The following PCDH15 variants were observed in gnomAD, a reference collection of about 807,000 sequenced individuals.
PCDH15 encodes protocadherin related 15.
In PCDH15, 129 loss-of-function variants were observed where a neutral mutation model predicts 178.5. The observed-to-expected ratio is 0.72, with a 90% CI of 0.63 to 0.84. The LOEUF (loss-of-function observed/expected upper bound fraction) is 0.84. PCDH15 is among the 40% of genes least tolerant of loss of function. The pLI is 0.00. For missense variants in PCDH15, 2,230 were observed against 2,099.9 expected, an observed-to-expected ratio of 1.06 and a Z score of -1.21; for synonymous variants, 800 against 732.0, an observed-to-expected ratio of 1.09 and a Z score of -1.50.
intron 2 of PCDH15, among the ~76,000 whole-genome samples, chr10:55,139,073 A>C (rs1487200952): frequency 6.6e-6 from 1 of 152,052 alleles, no homozygotes; most frequent in Non-Finnish European, 1.5e-5. Context: ...TCAATGGCTA[A>C]TAATGTTGAA....
intron 25 of PCDH15, among the ~76,000 whole-genome samples, chr10:53,922,884 G>A (rs551831376): frequency 1.6e-3 from 244 of 152,190 alleles, no homozygotes; most frequent in African/African-American, 5.4e-3. Flanking sequence ...TCGGGAGATC[G>A]AGACCATCCT....
At chr10:53,932,628 C>A (rs1270952320) in intron 25 of PCDH15, among the ~76,000 whole-genome samples, 1 of 152,116 alleles carries the variant, frequency 6.6e-6, no homozygotes, top group Non-Finnish European at 1.5e-5. Context: ...TTTACAACAA[C>A]CCTCCCCTAT....
At chr10:55,620,551 A>G (rs1395671416) in intron 2 of PCDH15, among the ~76,000 whole-genome samples, 1 of 152,008 alleles carries the variant, frequency 6.6e-6, no homozygotes, top group Non-Finnish European at 1.5e-5. Flanking sequence ...TTACATTATT[A>G]CATTTACTTA....
At chr10:54,627,370 G>A (rs1419316630) in intron 2 of PCDH15, among the ~76,000 whole-genome samples, 3 of 152,134 alleles carry the variant, frequency 2.0e-5, no homozygotes, top group Admixed American at 2.0e-4. Context: ...GAGCTGGTGG[G>A]AGATGATTGA....
upstream of PCDH15, among the ~76,000 whole-genome samples, chr10:54,805,277 G>A (rs57334099): frequency 0.039 from 5,946 of 151,908 alleles, 346 homozygotes; most frequent in African/African-American, 0.13. Flanking sequence ...TAAAACCCAG[G>A]TTAAAGTTTT....
At chr10:54,296,119 T>C (rs1441360411) in intron 8 of PCDH15, among the ~76,000 whole-genome samples, 2 of 111,166 alleles carry the variant, frequency 1.8e-5, no homozygotes, top group Non-Finnish European at 3.3e-5. Flanking sequence ...CACTCCAGCC[T>C]GGGCGACAGA....
chr10:54,267,198 T>A (rs1272747361), intron 8 of PCDH15, among the ~76,000 whole-genome samples: 1 of 70,532 alleles, frequency 1.4e-5, no homozygotes, highest in Non-Finnish European at 3.5e-5. Context: ...TCTCAACAGA[T>A]ACGTTAAAGT....
In PCDH15 at chr10:53,822,090, G is replaced by T. The variant is rs1338012767; in HGVS notation, c.4368-1860C>A. ...TTTAACGTGTCTGAGGATGCCTTTT[G>T]GTTCTCTCTGAGGGTCTGTTTTACA... On this transcript the variant is annotated intron_variant, in intron 32 of 37. Coordinates refer to ENST00000644397, the MANE Select transcript of PCDH15 (RefSeq NM_001384140.1). 7.4e-6 allele frequency: 12 copies of T among 1,613,788 alleles called. No homozygotes were observed. Among genetic ancestry groups the T allele is most frequent in the African/African-American group, 2.7e-5 (2 of 74,834 alleles).
At chr10:55,210,596 ATTTTTTTTTCTTTTTTCTTTTCTT>A (rs1840535387) in intron 1 of PCDH15, among the ~76,000 whole-genome samples, 1 of 47,958 alleles carries the variant, frequency 2.1e-5, no homozygotes, top group Non-Finnish European at 4.5e-5. Context: ...GGCTCTCACG[ATTTTTTTTTCTTTTTTCTTTTCTT>A]TTTTTTTTTT....
At chr10:55,377,870 T>A (rs189033163) in intron 2 of PCDH15, among the ~76,000 whole-genome samples, 2 of 152,120 alleles carry the variant, frequency 1.3e-5, no homozygotes, top group Non-Finnish European at 2.9e-5. Flanking sequence ...TGGAATACTA[T>A]GCAGCCATAA....
intron 2 of PCDH15, among the ~76,000 whole-genome samples, chr10:54,542,900 C>T (rs538746856): frequency 1.1e-4 from 17 of 152,272 alleles, no homozygotes; most frequent in East Asian, 1.9e-4. Context: ...CTATAAAAAG[C>T]CAAGACCCTA....
chr10:53,989,793 A>G (rs998850852), intron 21 of PCDH15, among the ~76,000 whole-genome samples: 4 of 152,148 alleles, frequency 2.6e-5, no homozygotes, highest in African/African-American at 9.7e-5. Flanking sequence ...GTTAGCAATA[A>G]TCTAAATCAA....
At chr10:54,510,398 A>G (rs2137720940) in intron 3 of PCDH15, among the ~76,000 whole-genome samples, 1 of 152,300 alleles carries the variant, frequency 6.6e-6, no homozygotes, top group Middle Eastern at 3.4e-3. Context: ...AAGAAGATTT[A>G]TGTGATTAAT....
At chr10:54,738,605 A>G (rs993783731) in intron 1 of PCDH15, among the ~76,000 whole-genome samples, 6 of 152,088 alleles carry the variant, frequency 3.9e-5, no homozygotes, top group Non-Finnish European at 7.4e-5. Flanking sequence ...TGCAATAATA[A>G]TAATAACTAT....
intron 3 of PCDH15, among the ~76,000 whole-genome samples, chr10:54,387,741 C>T (rs1479593870): frequency 6.6e-6 from 1 of 152,112 alleles, no homozygotes; most frequent in Admixed American, 6.6e-5. Flanking sequence ...CTATATAAAC[C>T]CCTAGTTTTA....
At chr10:54,056,291 C>G in intron 18 of PCDH15, among the ~76,000 whole-genome samples, 1 of 152,092 alleles carries the variant, frequency 6.6e-6, no homozygotes, top group Non-Finnish European at 1.5e-5. Flanking sequence ...CACATTGCTG[C>G]TAACCACAGT....
chr10:54,226,224 G>A (rs938947015), intron 9 of PCDH15, among the ~76,000 whole-genome samples: 8 of 152,162 alleles, frequency 5.3e-5, no homozygotes, highest in Non-Finnish European at 7.3e-5. Context: ...GGAAAAGCAC[G>A]TCACTTCTTA....
At chr10:54,503,264 T>TGTGTGTGTGTGA (rs35648214) in intron 3 of PCDH15, among the ~76,000 whole-genome samples, 1,722 of 137,340 alleles carry the variant, frequency 0.013, 51 homozygotes, top group East Asian at 0.042. Context: ...TGTGTGTGTG[T>TGTGTGTGTGTGA]GATTATATAT....
intron 2 of PCDH15, among the ~76,000 whole-genome samples, chr10:55,552,381 A>T (rs1411663869): frequency 6.6e-6 from 1 of 151,664 alleles, no homozygotes; most frequent in Admixed American, 6.6e-5. Context: ...TAAATCTTAA[A>T]GGTACTGCCA....
Sources: gnomAD v4.1 joint callset for allele counts (sites outside exome capture counted in the v4.1 genomes callset) on GRCh38, gnomAD v4.1.1 for gene constraint, MANE v1.5 for transcripts, NCBI Gene and HGNC (gene_info 2026-07-23, HGNC 2026-07-21) for gene names.